RBMX: variants seen among roughly 807,000 people sequenced by gnomAD.
RBMX encodes the protein RNA binding motif protein X-linked, also known as RNA-binding motif protein, X chromosome.
A neutral mutation model predicts 29.3 loss-of-function variants in RBMX; 1 was observed. The ratio of observed to expected loss-of-function variants is 0.03; its 90% CI spans 0.01 to 0.16. The LOEUF (loss-of-function observed/expected upper bound fraction) is 0.16. Ranked by LOEUF, RBMX falls within the 10% of genes least tolerant of loss-of-function variation. The pLI is 1.00. For missense variants in RBMX, 121 were observed against 333.2 expected (o/e 0.36, Z 4.96); for synonymous variants, 102 against 102.3 (o/e 1.00, Z 0.02).
intron 3 of RBMX, among the ~76,000 whole-genome samples, chrX:136,878,470 T>G (rs6633852): frequency 1.2e-3 from 137 of 110,306 alleles, no homozygotes; most frequent in African/African-American, 4.4e-3. Flanking sequence ...GCGCAGTGGC[T>G]CGCAGTGTCT....
chrX:136,874,632 G>A (rs1054396437), intron 8 of RBMX, 180 bp from the exon 9 acceptor site: 10 of 531,875 alleles, frequency 1.9e-5, no homozygotes, highest in Non-Finnish European at 2.9e-5. Context: ...ATATGGAATT[G>A]GATTCATTTT....
At chrX:136,877,327 T>TG (rs1214325421) in intron 4 of RBMX, among the ~76,000 whole-genome samples, 1 of 29,856 alleles carries the variant, frequency 3.3e-5, no homozygotes, top group Non-Finnish European at 5.5e-5. Context: ...TGCTAAACTC[T>TG]ACCCCCCCCC....
At chrX:136,879,845 G>A (rs1378891817) in intron 1 of RBMX, among the ~76,000 whole-genome samples, 2 of 111,349 alleles carry the variant, frequency 1.8e-5, no homozygotes, top group Non-Finnish European at 3.8e-5. Flanking sequence ...GCTAGACACA[G>A]GACCTTAACA....
chrX:136,872,348 G>GCAA (rs1213338290), downstream of RBMX: 1 of 1,160,790 alleles, frequency 8.6e-7, no homozygotes, highest in African/African-American at 1.8e-5. Context: ...TCACCAACCT[G>GCAA]CAAAAGTTAA....
chrX:136,877,919 G>A lies in RBMX; in HGVS notation c.384C>T (p.His128=). Residue 128 remains histidine (H), a synonymous_variant, in exon 4 of 9, where the codon CAC becomes CAT. Coordinates refer to ENST00000320676, the MANE Select transcript of RBMX (RefSeq NM_002139.4). ...GAGGTCCACGCAAGTTATTACCCAT[G>A]TGTCCTCCCCGTGAGGGAGGTCCCC... ...GTRGPPSRGG[H]MDDGGYSMNF... 19 of 1,197,461 alleles carry A rather than the reference G, an allele frequency of 1.6e-5. No homozygotes were observed. The highest frequency in any genetic ancestry group is 1.9e-5 in the Non-Finnish European group (17 of 887,479).
chrX:136,876,190 C>T (rs1164245960), intron 5 of RBMX, among the ~76,000 whole-genome samples: 2 of 94,401 alleles, frequency 2.1e-5, no homozygotes, highest in African/African-American at 8.2e-5. Context: ...GTGGCATGAT[C>T]TCGGTTCCCT....
At position 136,879,353 on chromosome X, in the gene RBMX, T is replaced by C. The variant is rs768475450; in HGVS notation, c.75A>G (p.Glu25=). 1 of 1,211,528 alleles carries C rather than the reference T, an allele frequency of 8.3e-7. No individual in the cohort carries two copies. The highest frequency in any genetic ancestry group is 1.1e-6 in the Non-Finnish European group (1 of 895,525). Residue 25 remains glutamate, a synonymous_variant, in exon 2 of 9, where the codon GAA becomes GAG. Coordinates refer to ENST00000320676, the MANE Select transcript of RBMX (RefSeq NM_002139.4). ...TTCGTCCATATTTGCCAAATACTGC[T>C]TCAAGAGCTTTCTCATTTGTTTCCG... ...LNTETNEKAL[E]AVFGKYGRIV...
Position 136,873,933 on chromosome X carries a change from G to A in RBMX, c.*209C>T. ...GTCTTAACACATTTAACATTTGCTT[G>A]TTGAAAAGCAATGCGAAAGTCAAAT... On this transcript the variant is annotated 3_prime_UTR_variant, in exon 9 of 9. Transcript: ENST00000320676. The A allele has an allele frequency of 1.9e-6, 2 of 1,069,694 alleles. No individual in the cohort carries two copies. The highest frequency in any genetic ancestry group is 2.4e-6 in the Non-Finnish European group (2 of 829,944). 88.2% of individuals were successfully genotyped at this position (1,069,694 alleles called of 1,213,427 possible).
intron 8 of RBMX, 123 bp downstream of exon 8, chrX:136,874,963 A>C (rs1368103292): frequency 9.2e-7 from 1 of 1,089,497 alleles, no homozygotes. Flanking sequence ...CAGCTGATAA[A>C]GTTACCCCTT....
chrX:136,879,550 C>A, intron 1 of RBMX, 97 bp from the exon 2 acceptor site: 2 of 740,788 alleles, frequency 2.7e-6, no homozygotes, highest in South Asian at 5.6e-5. Flanking sequence ...CCACTAAAAC[C>A]ATTGTTCCTT....
In RBMX at chrX:136,874,184, T is replaced by G. The variant is rs754308993; in HGVS notation, c.1134A>C (p.Gly378=). 1 of 1,211,803 alleles carries G rather than the reference T, an allele frequency of 8.3e-7. No homozygotes were observed. Among genetic ancestry groups the G allele is most frequent in the Non-Finnish European group, 1.1e-6 (1 of 895,170 alleles). The change falls in exon 9 of 9, where the codon GGA becomes GGC. Residue 378 remains glycine (G), a synonymous_variant. Coordinates refer to ENST00000320676, the MANE Select transcript of RBMX (RefSeq NM_002139.4). ...SRGAPRGGGR[G]GSRSDRGGGR... ...CTCCCCCTCTATCAGATCGGCTTCC[T>G]CCACGGCCACCACCTCTTGGTGCTC...
downstream of RBMX, chrX:136,872,386 A>C (rs2077690802): frequency 8.9e-7 from 1 of 1,119,901 alleles, no homozygotes; most frequent in South Asian, 2.0e-5. Flanking sequence ...ATCTCTCTTA[A>C]GGAAATTCTT....
At chrX:136,870,270 T>C (rs1288745109), downstream of RBMX, 2 of 112,659 alleles carry the variant, frequency 1.8e-5, no homozygotes, top group Non-Finnish European at 3.7e-5. Flanking sequence ...TCCCTAGTTA[T>C]GAGTGTTAAT....
At position 136,879,383 on chromosome X, in the gene RBMX, A is replaced by C; in HGVS notation, c.45T>G (p.Leu15=). The C allele has an allele frequency of 8.3e-7, 1 of 1,211,242 alleles. No homozygotes were observed. The highest frequency in any genetic ancestry group is 1.1e-6 in the Non-Finnish European group (1 of 895,453). The change falls in exon 2 of 9, where the codon CTT becomes CTG. Residue 15 remains leucine, a synonymous_variant. Transcript: ENST00000320676. ...GAGCTTTCTCATTTGTTTCCGTATT[A>C]AGCCCACCAATGAAGAGCTTTCCTG... ...DRPGKLFIGG[L]NTETNEKALE...
rs377484698 is a variant in RBMX, at chrX:136,879,368, A to G, written c.60T>C (p.Asn20=). 1.7e-6 allele frequency: 2 copies of G among 1,210,129 alleles called. No individual in the cohort carries two copies. The highest frequency in any genetic ancestry group is 2.2e-6 in the Non-Finnish European group (2 of 895,234). The change falls in exon 2 of 9, where the codon AAT becomes AAC. Residue 20 remains asparagine (N), a synonymous_variant. Coordinates refer to ENST00000320676, the MANE Select transcript of RBMX (RefSeq NM_002139.4). ...CAAATACTGCTTCAAGAGCTTTCTC[A>G]TTTGTTTCCGTATTAAGCCCACCAA... ...LFIGGLNTET[N]EKALEAVFGK...
intron 5 of RBMX, among the ~76,000 whole-genome samples, chrX:136,875,855 G>A (rs1407225721): frequency 1.8e-5 from 2 of 108,447 alleles, no homozygotes; most frequent in Non-Finnish European, 3.8e-5. Flanking sequence ...AGGCTGGAGT[G>A]CAGTCGCGCA....
chrX:136,871,204 T>C (rs2077682217), downstream of RBMX, among the ~76,000 whole-genome samples: 1 of 108,182 alleles, frequency 9.2e-6, no homozygotes, highest in African/African-American at 3.4e-5. Flanking sequence ...CCCAGCACTT[T>C]GGGAGGCGAG....
rs758217151 is a variant in RBMX, at chrX:136,880,191, A to C, written c.-27+406T>G. Among the ~76,000 whole-genome samples, 4 of 111,727 alleles carry C rather than the reference A, an allele frequency of 3.6e-5. No individual in the cohort carries two copies. The East Asian group carries it at 1.1e-3, about 31-fold the overall frequency. The stretch of plus-strand genomic sequence containing the variant: ...GACACTGGTCAGGGGACTAACTTTT[A>C]CCACCAACATTGGCTGGGAACATTC... On this transcript the variant is annotated intron_variant, in intron 1 of 8. Coordinates refer to ENST00000320676, the MANE Select transcript of RBMX (RefSeq NM_002139.4).
At position 136,874,229 on chromosome X, in the gene RBMX, G is replaced by A. The variant is rs2077705763; in HGVS notation, c.1089C>T (p.Ser363=). Reference sequence around the variant, plus strand: ...GTGCTCCGCGGCTTGAACTGCTGTAGGAATCACGTGGAGGAGGGTACCCCC... The same window carrying A: ...GTGCTCCGCGGCTTGAACTGCTGTAAGAATCACGTGGAGGAGGGTACCCCC... ...MERGYPPPRD[S]YSSSSRGAPR... is the part of the protein sequence containing the mutation. Residue 363 remains serine (S), a synonymous_variant, in exon 9 of 9, where the codon TCC becomes TCT. Coordinates refer to ENST00000320676, the MANE Select transcript of RBMX (RefSeq NM_002139.4). 8.2e-7 allele frequency: 1 copy of A among 1,212,408 alleles called. No homozygotes were observed. Among genetic ancestry groups the A allele is most frequent in the Non-Finnish European group, 1.1e-6 (1 of 895,595 alleles).
Sources: gnomAD v4.1 joint callset for allele counts (sites outside exome capture counted in the v4.1 genomes callset) on GRCh38, gnomAD v4.1.1 for gene constraint, MANE v1.5 for transcripts, NCBI Gene and HGNC (gene_info 2026-07-23, HGNC 2026-07-21) for gene names.